The following CEP192 variants were observed in gnomAD, a reference collection of about 807,000 sequenced individuals.
CEP192 encodes centrosomal protein of 192 kDa.
Under a neutral mutation model 271.8 loss-of-function variants are expected in CEP192, and 151 were observed. The ratio of observed to expected loss-of-function variants is 0.56; its 90% CI spans 0.49 to 0.64. CEP192 has a LOEUF of 0.64. Ranked by LOEUF, CEP192 falls within the 30% of genes least tolerant of loss-of-function variation. CEP192 has a pLI of 0.00. For missense variants in CEP192, 2,910 were observed against 3,020.5 expected, an observed-to-expected ratio of 0.96 and a Z score of 0.86; for synonymous variants, 995 against 1,076.5, an observed-to-expected ratio of 0.92 and a Z score of 1.48.
At chr18:13,038,050 G>T (rs988348793) in intron 12 of CEP192, among the ~76,000 whole-genome samples, 1 of 151,710 alleles carries the variant, frequency 6.6e-6, no homozygotes, top group Non-Finnish European at 1.5e-5. Flanking sequence ...TGTTGCTCAG[G>T]CTGGTCTTGA....
At chr18:13,079,345 A>G (rs60015020) in intron 30 of CEP192, among the ~76,000 whole-genome samples, 21,760 of 152,084 alleles carry the variant, frequency 0.14, 1,702 homozygotes, top group East Asian at 0.31. Context: ...GTGTGAGATG[A>G]TATCTCATTG....
rs2040826317 is a variant in CEP192, at chr18:13,124,722, C to G, written c.7566C>G (p.Gly2522=). ...EALLVIQTDE[G]KSIAIRLIGE... ...TGCTTGTCATTCAAACAGATGAAGG[C>G]AAGAGTATTGCTATTCGACTAATTG... The change falls in exon 45 of 45, where the codon GGC becomes GGG. Residue 2522 remains glycine (G), a synonymous_variant. Coordinates refer to ENST00000506447, the MANE Select transcript of CEP192 (RefSeq NM_032142.4). The G allele has an allele frequency of 3.1e-6, 5 of 1,613,732 alleles. No individual in the cohort carries two copies. Among genetic ancestry groups the G allele is most frequent in the Non-Finnish European group, 3.4e-6 (4 of 1,179,740 alleles).
Position 13,029,930 on chromosome 18 carries a change from G to A in CEP192, c.1318G>A (p.Asp440Asn). The stretch of plus-strand genomic sequence containing the variant: ...TAGTGACAGTGGAATTAATTTCACT[G>A]ATGCCATTTGGTCACCAACTTGTGA... ...PISDSGINFT[D>N]AIWSPTCERR... Residue 440 changes from aspartate (D) to asparagine (N), a missense_variant, in exon 10 of 45, where the codon GAT becomes AAT. By Grantham distance (23) the Asp-to-Asn change is conservative. Coordinates refer to ENST00000506447, the MANE Select transcript of CEP192 (RefSeq NM_032142.4). 6.4e-7 allele frequency: 1 copy of A among 1,551,676 alleles called. No individual in the cohort carries two copies. Among genetic ancestry groups the A allele is most frequent in the African/African-American group, 1.4e-5 (1 of 73,184 alleles).
intron 30 of CEP192, among the ~76,000 whole-genome samples, chr18:13,077,237 T>A (rs930439465): frequency 2.0e-5 from 3 of 152,216 alleles, no homozygotes; most frequent in Non-Finnish European, 2.9e-5. Flanking sequence ...GCAACCTATT[T>A]TAGTACAGAT....
chr18:13,096,590 G>A lies in CEP192; in HGVS notation c.6557+283G>A, dbSNP rs563515032. Among the ~76,000 whole-genome samples, 40 of 152,298 alleles carry A rather than the reference G, an allele frequency of 2.6e-4. No individual in the cohort carries two copies. The South Asian group carries it at 7.9e-3, about 30-fold the overall frequency. ...AGTCCCTGGTATGGAAGACTTCAGA[G>A]CGTTTCCTTCTTAGGACTGCCCATG... On this transcript the variant is annotated intron_variant, in intron 36 of 44. Coordinates refer to ENST00000506447, the MANE Select transcript of CEP192 (RefSeq NM_032142.4).
Position 13,087,262 on chromosome 18 carries a change from G to A in CEP192, c.5862G>A (p.Lys1954=), listed in dbSNP as rs1471699496. Residue 1954 remains lysine, a synonymous_variant, in exon 31 of 45, where the codon AAG becomes AAA. Coordinates refer to ENST00000506447, the MANE Select transcript of CEP192 (RefSeq NM_032142.4). ...LRIFPDKFVL[K]ERTQENVTLI... is the part of the protein sequence containing the mutation. ...TTTTTCCAGATAAATTTGTACTCAAGGAAAGAACACAAGAAGTAAGTACAA... is the reference window on the plus strand; with the variant it reads ...TTTTTCCAGATAAATTTGTACTCAAAGAAAGAACACAAGAAGTAAGTACAA... 1.2e-6 allele frequency: 2 copies of A among 1,602,822 alleles called. No individual in the cohort carries two copies. Among genetic ancestry groups the A allele is most frequent in the African/African-American group, 2.7e-5 (2 of 74,630 alleles).
chr18:13,036,642 C>G (rs2035932834), intron 11 of CEP192, among the ~76,000 whole-genome samples: 3 of 152,240 alleles, frequency 2.0e-5, no homozygotes, highest in Admixed American at 1.3e-4. Flanking sequence ...CCCTGGCCCT[C>G]TTTGCCCATT....
intron 30 of CEP192, among the ~76,000 whole-genome samples, chr18:13,075,821 G>A (rs1402646231): frequency 6.6e-6 from 1 of 152,112 alleles, no homozygotes; most frequent in Non-Finnish European, 1.5e-5. Context: ...GGCCGTGATC[G>A]TGCATCTTAC....
At chr18:13,041,689 C>T (rs1276668529) in intron 14 of CEP192, among the ~76,000 whole-genome samples, 1 of 151,836 alleles carries the variant, frequency 6.6e-6, no homozygotes, top group East Asian at 1.9e-4. Context: ...CTCAGCCTCC[C>T]GAGTAGCTGG....
chr18:13,056,444 C>T lies in CEP192; in HGVS notation c.3854C>T (p.Ala1285Val). 1 of 1,614,260 alleles carries T rather than the reference C, an allele frequency of 6.2e-7. No individual in the cohort carries two copies. Among genetic ancestry groups the T allele is most frequent in the African/African-American group, 1.3e-5 (1 of 75,082 alleles). The change falls in exon 19 of 45, where the codon GCC becomes GTC. Residue 1285 changes from alanine to valine, a missense_variant. Transcript: ENST00000506447. ...TTGCCTCAGTGCCATGCTGGCAATGCCACAGTCTGTGGCTTCTCAGGAGGC... is the reference window on the plus strand; with the variant it reads ...TTGCCTCAGTGCCATGCTGGCAATGTCACAGTCTGTGGCTTCTCAGGAGGC... ...TTLPQCHAGN[A>V]TVCGFSGGLP... is the part of the protein sequence containing the mutation.
intron 40 of CEP192, among the ~76,000 whole-genome samples, chr18:13,110,104 A>T (rs1179014385): frequency 6.6e-6 from 1 of 152,216 alleles, no homozygotes; most frequent in African/African-American, 2.4e-5. Flanking sequence ...AGCCCACTTT[A>T]TTCTTTGTTC....
rs777168559 is a variant in CEP192, at chr18:13,037,223, C to CA, written c.1535-13dup. 8.8e-7 allele frequency: 1 copy of CA among 1,130,552 alleles called. No individual in the cohort carries two copies. The highest frequency in any genetic ancestry group is 1.4e-5 in the South Asian group (1 of 73,372). The allele number at this position is 1,130,552 out of a possible 1,614,324, so 70.0% of individuals were successfully genotyped here. ...CATTAGTGTAATGTATTTATATAAACATTCTTTTTTAAGCTGAAGCATTTG... is the reference window on the plus strand; with the variant it reads ...CATTAGTGTAATGTATTTATATAAACAATTCTTTTTTAAGCTGAAGCATTTG... On this transcript the variant is annotated splice_polypyrimidine_tract_variant and intron_variant, in intron 11 of 44. Transcript: ENST00000506447.
chr18:13,063,465 C>T lies in CEP192; in HGVS notation c.4488+4153C>T, dbSNP rs1039572433. On this transcript the variant is annotated intron_variant, in intron 21 of 44. Coordinates refer to ENST00000506447, the MANE Select transcript of CEP192 (RefSeq NM_032142.4). ...TTTTGATTTGCATTTCTCTGATGAT[C>T]AGTGATGTCGAGCACCTTTTCATAT... Among the ~76,000 whole-genome samples, 71 of 152,186 alleles carry T rather than the reference C, an allele frequency of 4.7e-4. 1 individual carries two copies. Among genetic ancestry groups the T allele is most frequent in the Non-Finnish European group, 1.0e-4 (7 of 68,026 alleles).
intron 43 of CEP192, among the ~76,000 whole-genome samples, chr18:13,117,305 A>T (rs367556866): frequency 2.0e-5 from 3 of 152,142 alleles, no homozygotes; most frequent in Non-Finnish European, 4.4e-5. Context: ...AAAATCAAAA[A>T]TTTGTTTTAT....
At position 13,049,567 on chromosome 18, in the gene CEP192, G is replaced by A; in HGVS notation, c.2776G>A (p.Glu926Lys). Residue 926 changes from glutamate (E) to lysine (K), a missense_variant, in exon 16 of 45, where the codon GAA becomes AAA. Coordinates refer to ENST00000506447, the MANE Select transcript of CEP192 (RefSeq NM_032142.4). Reference sequence around the variant, plus strand: ...CCTTTGTCTGTTAAAAGACTGTGAAGAAATACGAGATAACAGAGAAAATCA... The same window carrying A: ...CCTTTGTCTGTTAAAAGACTGTGAAAAAATACGAGATAACAGAGAAAATCA... ...TSLCLLKDCE[E>K]IRDNRENQRQ... 1 of 1,613,958 alleles carries A rather than the reference G, an allele frequency of 6.2e-7. No individual in the cohort carries two copies. Among genetic ancestry groups the A allele is most frequent in the Non-Finnish European group, 8.5e-7 (1 of 1,179,978 alleles).
At chr18:13,027,838 C>CT (rs796301041) in intron 9 of CEP192, among the ~76,000 whole-genome samples, 30 of 147,816 alleles carry the variant, frequency 2.0e-4, no homozygotes, top group African/African-American at 3.7e-4. Context: ...TTTTATTTGA[C>CT]TTTTTTTTTT....
chr18:13,009,935 A>C (rs1399792530), intron 4 of CEP192, among the ~76,000 whole-genome samples: 1 of 152,152 alleles, frequency 6.6e-6, no homozygotes, highest in Non-Finnish European at 1.5e-5. Flanking sequence ...GAGGTGGGTG[A>C]ATGGCTTGAG....
chr18:13,068,510 T>G, intron 24 of CEP192, 88 bp downstream of exon 24: 1 of 1,107,096 alleles, frequency 9.0e-7, no homozygotes. Context: ...TCAATAAATG[T>G]CAGTACTTCG....
intron 11 of CEP192, among the ~76,000 whole-genome samples, chr18:13,034,498 A>T (rs1433654937): frequency 6.6e-6 from 1 of 152,192 alleles, no homozygotes; most frequent in African/African-American, 2.4e-5. Flanking sequence ...AACTTTATTC[A>T]GAACAGTTCC....
Sources: gnomAD v4.1 joint callset for allele counts (sites outside exome capture counted in the v4.1 genomes callset) on GRCh38, gnomAD v4.1.1 for gene constraint, MANE v1.5 for transcripts, NCBI Gene and HGNC (gene_info 2026-07-23, HGNC 2026-07-21) for gene names.